The following TCF20 variants were observed in gnomAD, a reference collection of about 807,000 sequenced individuals.
TCF20 encodes SPRE-binding protein.
TCF20 carries 3 observed loss-of-function variants against 148.6 expected under a neutral mutation model. The ratio of observed to expected loss-of-function variants is 0.02; its 90% CI spans 0.01 to 0.05. The LOEUF (loss-of-function observed/expected upper bound fraction) is 0.05. TCF20 is among the 10% of genes least tolerant of loss of function. The probability of loss-of-function intolerance (pLI) is 1.00; values close to 1 mark genes in which losing one functional copy is unlikely to be tolerated. For synonymous variants in TCF20, 1,049 were observed against 909.5 expected (o/e 1.15, Z -2.76); for missense variants, 2,350 against 2,429.3 (o/e 0.97, Z 0.69).
chr22:42,272,099 C>A (rs1348886987), upstream of TCF20, among the ~76,000 whole-genome samples: 2 of 152,326 alleles, frequency 1.3e-5, no homozygotes, highest in East Asian at 3.9e-4. Context: ...CAGGACTATT[C>A]CTGGGGACTT....
At chr22:42,222,029 C>T (rs1251592879) in intron 1 of TCF20, among the ~76,000 whole-genome samples, 9 of 152,034 alleles carry the variant, frequency 5.9e-5, no homozygotes, top group East Asian at 1.9e-4. Flanking sequence ...TGAGCCACCG[C>T]GCCCGGCCCC....
At position 42,160,035 on chromosome 22, in the gene TCF20, A is replaced by G. The variant is rs933942711; in HGVS notation, c.*1368T>C. 2 of 152,524 alleles carry G rather than the reference A, an allele frequency of 1.3e-5. No individual in the cohort carries two copies. Among genetic ancestry groups the G allele is most frequent in the Non-Finnish European group, 2.9e-5 (2 of 68,014 alleles). The allele number at this position is 152,524 out of a possible 1,614,324, so 9.4% of individuals were successfully genotyped here. A position where few individuals can be genotyped will look rare whatever the true frequency, so the allele number is the denominator to read the frequency against. Reference sequence around the variant, plus strand: ...AAACAAGGTTAAAATGAAGTTTATTATTTTTTTGATTTTTTGATTTTTTTT... The same window carrying G: ...AAACAAGGTTAAAATGAAGTTTATTGTTTTTTTGATTTTTTGATTTTTTTT... On this transcript the variant is annotated 3_prime_UTR_variant, in exon 6 of 6. Transcript: ENST00000677622.
At chr22:42,198,940 C>G (rs1304082350) in intron 2 of TCF20, among the ~76,000 whole-genome samples, 1 of 152,202 alleles carries the variant, frequency 6.6e-6, no homozygotes, top group Non-Finnish European at 1.5e-5. Context: ...TCTGGGATTA[C>G]AGGCGTGAGC....
intron 2 of TCF20, among the ~76,000 whole-genome samples, chr22:42,205,039 C>T (rs925517479): frequency 1.3e-5 from 2 of 152,190 alleles, no homozygotes; most frequent in African/African-American, 4.8e-5. Context: ...GGATCCATGG[C>T]CACCAGATCT....
chr22:42,270,715 C>CGGGAGGGCGCGCGGCG (rs1555952142), upstream of TCF20, among the ~76,000 whole-genome samples: 1 of 55,246 alleles, frequency 1.8e-5, no homozygotes, highest in Admixed American at 2.0e-4. Flanking sequence ...CGCGGGCGGG[C>CGGGAGGGCGCGCGGCG]GGGAGGGCGC....
intron 2 of TCF20, among the ~76,000 whole-genome samples, chr22:42,199,998 T>C (rs1218082235): frequency 6.6e-6 from 1 of 152,144 alleles, no homozygotes; most frequent in East Asian, 1.9e-4. Context: ...ACCTCATGAT[T>C]TCCTATTTTT....
intron 1 of TCF20, among the ~76,000 whole-genome samples, chr22:42,320,221 C>T (rs1046135208): frequency 2.6e-5 from 4 of 152,228 alleles, no homozygotes; most frequent in African/African-American, 9.6e-5. Flanking sequence ...CCTCTGGACT[C>T]TTGCAAGTTC....
At chr22:42,300,138 T>TC (rs1400847027) in intron 1 of TCF20, among the ~76,000 whole-genome samples, 1 of 152,002 alleles carries the variant, frequency 6.6e-6, no homozygotes, top group Non-Finnish European at 1.5e-5. Flanking sequence ...GTCTGGAATA[T>TC]CAGGGGGTTA....
chr22:42,274,092 T>C (rs1926715510), upstream of TCF20: 1 of 152,606 alleles, frequency 6.6e-6, no homozygotes, highest in Admixed American at 6.5e-5. Flanking sequence ...CTCTCCTTCC[T>C]CTTGGGAGGC....
chr22:42,240,942 G>GC (rs1287336137), intron 1 of TCF20, among the ~76,000 whole-genome samples: 1 of 151,704 alleles, frequency 6.6e-6, no homozygotes, highest in Non-Finnish European at 1.5e-5. Context: ...TGCGACCTCC[G>GC]CCTCCCGGGT....
intron 3 of TCF20, among the ~76,000 whole-genome samples, chr22:42,174,322 T>C (rs906225113): frequency 8.5e-5 from 13 of 152,240 alleles, no homozygotes. Flanking sequence ...GTTTCCATCA[T>C]TGCAGTATGT....
rs73886021 is a variant in TCF20, at chr22:42,294,252, C to A, written c.-37+49227G>T. Among the ~76,000 whole-genome samples the A allele has an allele frequency of 9.6e-3, 1,458 of 152,344 alleles. 28 individuals carry two copies. Among genetic ancestry groups the A allele is most frequent in the African/African-American group, 0.033 (1,381 of 41,566 alleles). On this transcript the variant is annotated intron_variant, in intron 1 of 1. Coordinates refer to the TCF20 transcript ENST00000515426. ...TAATAGAGCACAAACCCTGCGTGCA[C>A]TACACTGGCAGGCACCTGCCAATCT...
chr22:42,315,732 C>T (rs929918222), intron 1 of TCF20, among the ~76,000 whole-genome samples: 16 of 152,172 alleles, frequency 1.1e-4, no homozygotes, highest in African/African-American at 3.9e-4. Context: ...CCAGAGGAGG[C>T]ATCATTAGAG....
At chr22:42,178,980 A>G (rs1936608977) in intron 3 of TCF20, among the ~76,000 whole-genome samples, 1 of 152,042 alleles carries the variant, frequency 6.6e-6, no homozygotes, top group Non-Finnish European at 1.5e-5. Context: ...CCATCAGGGA[A>G]ATACAAATAA....
intron 1 of TCF20, among the ~76,000 whole-genome samples, chr22:42,257,298 AT>A (rs1465864843): frequency 1.3e-5 from 2 of 151,972 alleles, no homozygotes; most frequent in African/African-American, 4.8e-5. Flanking sequence ...TTTTCTCTGG[AT>A]TTTTTCCCCT....
At chr22:42,330,485 T>A (rs1001800291) in intron 1 of TCF20, among the ~76,000 whole-genome samples, 2 of 152,100 alleles carry the variant, frequency 1.3e-5, no homozygotes, top group Admixed American at 1.3e-4. Context: ...AGATGCTATA[T>A]CCTCCAGGAA....
chr22:42,274,110 G>C (rs982338524), upstream of TCF20: 1 of 152,694 alleles, frequency 6.5e-6, no homozygotes, highest in African/African-American at 2.4e-5. Flanking sequence ...GGCGCCGCCT[G>C]CTAACTCAGT....
intron 1 of TCF20, among the ~76,000 whole-genome samples, chr22:42,261,231 T>C (rs922014174): frequency 6.6e-6 from 1 of 151,886 alleles, no homozygotes; most frequent in East Asian, 1.9e-4. Context: ...ATTTGTTATC[T>C]ACTGTCTCGC....
intron 5 of TCF20, among the ~76,000 whole-genome samples, chr22:42,162,436 C>T (rs529241597): frequency 1.2e-4 from 19 of 152,312 alleles, no homozygotes; most frequent in African/African-American, 3.4e-4. Flanking sequence ...TGGAGGGCTT[C>T]TCTCCTCTTC....
Sources: allele counts gnomAD v4.1 joint callset (sites outside exome capture counted in the v4.1 genomes callset), GRCh38; gene constraint gnomAD v4.1.1; transcripts MANE v1.5; gene names NCBI Gene and HGNC (gene_info 2026-07-23, HGNC 2026-07-21).